The following LYPD6B variants were observed in gnomAD, a reference collection of about 807,000 sequenced individuals.
The protein encoded by LYPD6B is ly6/PLAUR domain-containing protein 6B.
In LYPD6B, 17 loss-of-function variants were observed where a neutral mutation model predicts 22.8. That is an observed-to-expected ratio of 0.75 (90% confidence interval 0.51 to 1.12). LYPD6B has a LOEUF of 1.12. Among genes scored for constraint, LYPD6B ranks in the 50% most tolerant of loss-of-function variants. The pLI is 0.00. For synonymous variants in LYPD6B, 106 were observed against 91.6 expected (o/e 1.16, Z -0.90); for missense variants, 221 against 258.3 (o/e 0.86, Z 0.99).
intron 2 of LYPD6B, among the ~76,000 whole-genome samples, chr2:149,149,667 T>C (rs1297856148): frequency 6.6e-6 from 1 of 152,226 alleles, no homozygotes; most frequent in Admixed American, 6.5e-5. Context: ...GATTAAATTC[T>C]TTTCTCACCC....
At chr2:149,126,108 A>T (rs1249066008) in intron 1 of LYPD6B, among the ~76,000 whole-genome samples, 2 of 152,208 alleles carry the variant, frequency 1.3e-5, no homozygotes, top group Admixed American at 1.3e-4. Flanking sequence ...AAAAGAAGAT[A>T]ACTACTATCT....
At chr2:149,098,518 T>C (rs1686015267) in intron 1 of LYPD6B, among the ~76,000 whole-genome samples, 1 of 151,270 alleles carries the variant, frequency 6.6e-6, no homozygotes, top group Non-Finnish European at 1.5e-5. Flanking sequence ...TCCCAGCTAC[T>C]CTGGAGGCTG....
At chr2:149,126,678 G>A (rs1687716094) in intron 1 of LYPD6B, among the ~76,000 whole-genome samples, 1 of 152,150 alleles carries the variant, frequency 6.6e-6, no homozygotes, top group Admixed American at 6.5e-5. Context: ...TGTCGTTCAA[G>A]GGTCAACCAT....
chr2:149,098,582 G>A (rs1392204722), intron 1 of LYPD6B, among the ~76,000 whole-genome samples: 9 of 141,218 alleles, frequency 6.4e-5, no homozygotes, highest in African/African-American at 2.4e-4. Context: ...AGCTGAGATC[G>A]TGCCATTGAA....
At chr2:149,064,347 A>C (rs1259350447) in intron 1 of LYPD6B, among the ~76,000 whole-genome samples, 1 of 152,230 alleles carries the variant, frequency 6.6e-6, no homozygotes, top group Admixed American at 6.5e-5. Context: ...AGCACATTCA[A>C]TACCGCTTTT....
In LYPD6B at chr2:149,130,912, A is replaced by G. The variant is rs1553486819; in HGVS notation, c.-37A>G. On this transcript the variant is annotated 5_prime_UTR_variant, in exon 2 of 7. Transcript: ENST00000409642. ...GCCACACTTCTGCCTGCTGTTGGCA[A>G]CCCTCCTGGACTAGGCTGCTCTTGT... 6.3e-7 allele frequency: 1 copy of G among 1,581,632 alleles called. No individual in the cohort carries two copies. The highest frequency in any genetic ancestry group is 1.1e-5 in the South Asian group (1 of 90,042).
chr2:149,056,421 A>G (rs1048806764), intron 1 of LYPD6B, among the ~76,000 whole-genome samples: 11 of 152,168 alleles, frequency 7.2e-5, no homozygotes, highest in African/African-American at 2.7e-4. Context: ...CAGGTGACCA[A>G]TGTGGGCTTC....
At chr2:149,161,631 A>G (rs1690069829) in intron 3 of LYPD6B, among the ~76,000 whole-genome samples, 1 of 152,134 alleles carries the variant, frequency 6.6e-6, no homozygotes, top group Admixed American at 6.5e-5. Context: ...TTGGCTATCA[A>G]GGCTATCAAC....
At chr2:149,074,646 G>A (rs1041149432) in intron 1 of LYPD6B, among the ~76,000 whole-genome samples, 9 of 152,206 alleles carry the variant, frequency 5.9e-5, no homozygotes, top group African/African-American at 2.2e-4. Flanking sequence ...ATATTGCTGT[G>A]ATTCTAGAAG....
intron 3 of LYPD6B, among the ~76,000 whole-genome samples, chr2:149,162,433 C>A (rs1690133140): frequency 6.6e-6 from 1 of 152,112 alleles, no homozygotes; most frequent in Admixed American, 6.5e-5. Context: ...GAATGTAACC[C>A]ATTGAACAGC....
intron 1 of LYPD6B, among the ~76,000 whole-genome samples, chr2:149,074,733 T>G (rs553049217): frequency 3.9e-5 from 6 of 152,268 alleles, no homozygotes; most frequent in Non-Finnish European, 8.8e-5. Flanking sequence ...CCACTTACTT[T>G]CCTGGGAAAA....
At chr2:149,206,218 A>G (rs1693495948) in intron 4 of LYPD6B, 1 of 230,268 alleles carries the variant, frequency 4.3e-6, no homozygotes, top group Non-Finnish European at 9.1e-6. Flanking sequence ...ATATATTTAT[A>G]TCTTTTTTCT....
rs1688268995 is a variant in LYPD6B at position 149,135,015 on chromosome 2, C to G, written c.5+4062C>G. Among the ~76,000 whole-genome samples, 3 of 152,082 alleles carry G rather than the reference C, an allele frequency of 2.0e-5. No individual in the cohort carries two copies. In the South Asian group the frequency reaches 6.2e-4, roughly 31 times the overall value. ...ATCCCAGCACTTTGGGAGGCTGAGGCAGGTGGATCACTTGAGGTCAGGAGT... is the reference window on the plus strand; with the variant it reads ...ATCCCAGCACTTTGGGAGGCTGAGGGAGGTGGATCACTTGAGGTCAGGAGT... On this transcript the variant is annotated intron_variant, in intron 2 of 6. Transcript: ENST00000409642.
chr2:149,103,034 T>G (rs1227264470), intron 1 of LYPD6B, among the ~76,000 whole-genome samples: 1 of 152,242 alleles, frequency 6.6e-6, no homozygotes, highest in Non-Finnish European at 1.5e-5. Context: ...TATACTTCTA[T>G]GTACACATAC....
At chr2:149,160,537 T>C (rs1689989426) in intron 2 of LYPD6B, 3 of 639,890 alleles carry the variant, frequency 4.7e-6, no homozygotes, top group Admixed American at 4.2e-5. Context: ...AGGTGTGTGT[T>C]AATAAAACGC....
At chr2:149,049,656 G>A (rs1317716652) in intron 1 of LYPD6B, among the ~76,000 whole-genome samples, 1 of 152,188 alleles carries the variant, frequency 6.6e-6, no homozygotes, top group Non-Finnish European at 1.5e-5. Context: ...GCCGGTGCTA[G>A]GTAACATGCC....
intron 3 of LYPD6B, among the ~76,000 whole-genome samples, chr2:149,189,371 C>A (rs5016008): frequency 2.7e-5 from 2 of 74,188 alleles, no homozygotes; most frequent in Non-Finnish European, 5.2e-5. Flanking sequence ...TATATATACA[C>A]ACACATATGT....
At chr2:149,175,529 A>C (rs2105954752) in intron 3 of LYPD6B, among the ~76,000 whole-genome samples, 1 of 152,156 alleles carries the variant, frequency 6.6e-6, no homozygotes, top group East Asian at 1.9e-4. Context: ...TTTATTAAAA[A>C]TATTTTTCTT....
intron 1 of LYPD6B, chr2:149,101,600 G>T (rs1053364156): frequency 6.6e-6 from 1 of 152,386 alleles, no homozygotes; most frequent in Admixed American, 6.5e-5. Flanking sequence ...TTGGCCTGGA[G>T]CAAGGGAGGC....
Sources: gnomAD v4.1 joint callset for allele counts (sites outside exome capture counted in the v4.1 genomes callset) on GRCh38, gnomAD v4.1.1 for gene constraint, MANE v1.5 for transcripts, NCBI Gene and HGNC (gene_info 2026-07-23, HGNC 2026-07-21) for gene names.